MKLN1: variants seen among roughly 807,000 people sequenced by gnomAD.
MKLN1 encodes the protein muskelin.
A neutral mutation model predicts 99.0 loss-of-function variants in MKLN1; 18 were observed. The observed-to-expected ratio is 0.18, with a 90% confidence interval of 0.13 to 0.27. MKLN1 has a LOEUF of 0.27. Among genes scored for constraint, MKLN1 ranks in the 10% least tolerant of loss-of-function variants. MKLN1 has a pLI of 1.00. For missense variants in MKLN1, 621 were observed against 875.9 expected, an observed-to-expected ratio of 0.71 and a Z score of 3.67; for synonymous variants, 288 against 293.2, an observed-to-expected ratio of 0.98 and a Z score of 0.18.
chr7:131,242,299 G>C (rs983345114), intron 3 of MKLN1, among the ~76,000 whole-genome samples: 1 of 152,168 alleles, frequency 6.6e-6, no homozygotes, highest in African/African-American at 2.4e-5. Flanking sequence ...AATTTGGGAG[G>C]CTAAAGCAGG....
intron 4 of MKLN1, among the ~76,000 whole-genome samples, 185 bp from the exon 5 acceptor site, chr7:131,397,082 T>G (rs1388638405): frequency 6.6e-6 from 1 of 152,238 alleles, no homozygotes; most frequent in Non-Finnish European, 1.5e-5. Flanking sequence ...GGAAATCTTA[T>G]GGTGGCATGG....
intron 2 of MKLN1, among the ~76,000 whole-genome samples, chr7:131,154,777 T>C (rs1026602245): frequency 2.6e-5 from 4 of 152,230 alleles, no homozygotes; most frequent in Admixed American, 6.5e-5. Flanking sequence ...TTTACACTTA[T>C]ATATAATAAG....
chr7:131,423,045 T>G (rs1228393002), intron 8 of MKLN1, among the ~76,000 whole-genome samples: 1 of 152,196 alleles, frequency 6.6e-6, no homozygotes, highest in Admixed American at 6.5e-5. Context: ...TCTATTTTGT[T>G]TCAGTGTGGA....
chr7:131,494,864 T>C lies in MKLN1; in HGVS notation c.*7136T>C, dbSNP rs1797514806. The C allele has an allele frequency of 6.6e-6, 1 of 152,210 alleles. No homozygotes were observed. The highest frequency in any genetic ancestry group is 1.5e-5 in the Non-Finnish European group (1 of 68,028). The allele number at this position is 152,210 out of a possible 1,614,324, so 9.4% of individuals were successfully genotyped here. A position where few individuals can be genotyped will look rare whatever the true frequency, so the allele number is the denominator to read the frequency against. The stretch of plus-strand genomic sequence containing the variant: ...CTGCATAATTTAGAGTTGAAAATAA[T>C]GTAACATTTTCCTGTGAACAGATTC... On this transcript the variant is annotated 3_prime_UTR_variant, in exon 18 of 18. Transcript: ENST00000352689.
chr7:131,124,850 T>C (rs951176596), intron 1 of MKLN1, among the ~76,000 whole-genome samples: 3 of 152,176 alleles, frequency 2.0e-5, no homozygotes, highest in Non-Finnish European at 4.4e-5. Context: ...CCTCAAACCA[T>C]GGGACATATG....
intron 3 of MKLN1, among the ~76,000 whole-genome samples, chr7:131,275,389 G>A (rs1385441694): frequency 9.7e-6 from 1 of 103,276 alleles, no homozygotes; most frequent in Non-Finnish European, 1.9e-5. Context: ...TTTTTTTTGA[G>A]ACGGAGTCTT....
Position 131,343,374 on chromosome 7 carries a change from T to G in MKLN1, c.98+15377T>G, listed in dbSNP as rs916329087. 2.6e-5 allele frequency among the ~76,000 whole-genome samples: 4 copies of G among 152,192 alleles called. No homozygotes were observed. The East Asian group carries it at 7.7e-4, about 29-fold the overall frequency. Reference sequence around the variant, plus strand: ...TTTCTTAGACTTTGTGTATATGAAGTGGTGTTCTTATCCTTATTTCTTTCC... The same window carrying G: ...TTTCTTAGACTTTGTGTATATGAAGGGGTGTTCTTATCCTTATTTCTTTCC... On this transcript the variant is annotated intron_variant, in intron 1 of 17. Transcript: ENST00000352689.
At chr7:131,301,367 G>A (rs1321538994) in intron 3 of MKLN1, among the ~76,000 whole-genome samples, 2 of 152,234 alleles carry the variant, frequency 1.3e-5, no homozygotes, top group African/African-American at 4.8e-5. Context: ...AACTGGCATA[G>A]CTGTGAATTG....
At chr7:131,141,006 C>A (rs1010247100) in intron 1 of MKLN1, among the ~76,000 whole-genome samples, 3 of 152,038 alleles carry the variant, frequency 2.0e-5, no homozygotes, top group African/African-American at 7.2e-5. Context: ...GGATGGTCTC[C>A]ATCTCCTGAT....
intron 3 of MKLN1, among the ~76,000 whole-genome samples, chr7:131,209,007 A>G (rs1438985355): frequency 6.6e-6 from 1 of 152,202 alleles, no homozygotes. Flanking sequence ...TGACATTTGA[A>G]CAGTGATCTC....
At chr7:131,271,578 C>A (rs1027021940) in intron 3 of MKLN1, among the ~76,000 whole-genome samples, 1 of 147,946 alleles carries the variant, frequency 6.8e-6, no homozygotes, top group East Asian at 2.0e-4. Flanking sequence ...GATCATGCCA[C>A]TGCATTCCAG....
intron 2 of MKLN1, among the ~76,000 whole-genome samples, chr7:131,201,816 TC>T (rs1356037232): frequency 3.9e-4 from 60 of 152,352 alleles, no homozygotes; most frequent in African/African-American, 1.4e-3. Flanking sequence ...TATGTTCAGT[TC>T]CTGTTCACTG....
chr7:131,260,239 T>G (rs892892722), intron 3 of MKLN1, among the ~76,000 whole-genome samples: 3 of 151,738 alleles, frequency 2.0e-5, no homozygotes, highest in Non-Finnish European at 4.4e-5. Context: ...GAGATGGGGT[T>G]TCACTGTGTT....
intron 1 of MKLN1, among the ~76,000 whole-genome samples, chr7:131,139,766 G>T (rs1230833031): frequency 6.6e-6 from 1 of 152,230 alleles, no homozygotes; most frequent in Non-Finnish European, 1.5e-5. Context: ...GGACCTCAGA[G>T]GCCTAGGGAC....
chr7:131,342,129 T>C (rs772849936), intron 1 of MKLN1, among the ~76,000 whole-genome samples: 27 of 152,102 alleles, frequency 1.8e-4, no homozygotes, highest in Non-Finnish European at 3.4e-4. Flanking sequence ...GATTTCGTTA[T>C]TGGAGAAACT....
chr7:131,394,839 T>C (rs1245827350), intron 4 of MKLN1, among the ~76,000 whole-genome samples: 2 of 152,090 alleles, frequency 1.3e-5, no homozygotes, highest in African/African-American at 4.8e-5. Flanking sequence ...AATCTGTTGT[T>C]ACATTAAAAT....
At chr7:131,145,371 T>G (rs905446703) in intron 2 of MKLN1, among the ~76,000 whole-genome samples, 1 of 152,128 alleles carries the variant, frequency 6.6e-6, no homozygotes, top group Admixed American at 6.5e-5. Context: ...TGTAAGAAGA[T>G]GAGTCAACAC....
At chr7:131,322,305 A>G (rs1356313329) in intron 3 of MKLN1, among the ~76,000 whole-genome samples, 1 of 152,216 alleles carries the variant, frequency 6.6e-6, no homozygotes, top group Non-Finnish European at 1.5e-5. Flanking sequence ...TTTTAAAGAC[A>G]TGATAAGATT....
At chr7:131,182,485 A>T (rs1796390215) in intron 2 of MKLN1, among the ~76,000 whole-genome samples, 1 of 152,148 alleles carries the variant, frequency 6.6e-6, no homozygotes. Flanking sequence ...TAGCATCTCT[A>T]TTTTTCCTCC....
Sources: allele counts gnomAD v4.1 joint callset (sites outside exome capture counted in the v4.1 genomes callset), GRCh38; gene constraint gnomAD v4.1.1; transcripts MANE v1.5; gene names NCBI Gene and HGNC (gene_info 2026-07-23, HGNC 2026-07-21).